Variants in TEPSIN observed in about 807,000 individuals in gnomAD.
TEPSIN encodes the protein AP-4 complex accessory subunit tepsin.
In TEPSIN, 50 loss-of-function variants were observed where a neutral mutation model predicts 48.5. The observed-to-expected ratio is 1.03, with a 90% CI of 0.82 to 1.31. TEPSIN has a LOEUF of 1.31. TEPSIN is among the 50% of genes most tolerant of loss of function. The pLI is 0.00. For missense variants in TEPSIN, 838 were observed against 815.9 expected (o/e 1.03, Z -0.33); for synonymous variants, 392 against 358.8 (o/e 1.09, Z -1.05).
chr17:81,233,923 T>C lies in TEPSIN; in HGVS notation c.375+58A>G, dbSNP rs1188860276. The stretch of plus-strand genomic sequence containing the variant: ...CCCCCAGCTGACATCCTGGCCCCAA[T>C]CCCACCCCTCTACAGGAGGAGGGGC... On this transcript the variant is annotated intron_variant, in intron 5 of 12. Coordinates refer to ENST00000637944, the MANE Select transcript of TEPSIN (RefSeq NM_001363764.2). This position sits in a 1 kb window ranked among gnomAD's most constrained non-coding sequence, Gnocchi z 5.8. 1 of 1,541,798 alleles carries C rather than the reference T, an allele frequency of 6.5e-7. No individual in the cohort carries two copies. Among genetic ancestry groups the C allele is most frequent in the African/African-American group, 1.4e-5 (1 of 71,708 alleles).
At chr17:81,237,099 CG>C in intron 2 of TEPSIN, 28 bp from the exon 3 acceptor site, 1 of 1,559,736 alleles carries the variant, frequency 6.4e-7, no homozygotes, top group South Asian at 1.2e-5. Flanking sequence ...TAGGGAAGGG[CG>C]AGATGATGAG....
chr17:81,228,832 C>T lies in TEPSIN; in HGVS notation c.*96G>A. On this transcript the variant is annotated 3_prime_UTR_variant, in exon 13 of 13. Coordinates refer to ENST00000637944, the MANE Select transcript of TEPSIN (RefSeq NM_001363764.2). ...GGGTCGTCCTCTCAAGTCAAGCTGC[C>T]TGGAGACTGTAGCAGCTACGGTTGA... 1 of 1,486,916 alleles carries T rather than the reference C, an allele frequency of 6.7e-7. No individual in the cohort carries two copies. The highest frequency in any genetic ancestry group is 9.1e-7 in the Non-Finnish European group (1 of 1,093,406). 92.1% of individuals were successfully genotyped at this position (1,486,916 alleles called of 1,614,324 possible).
In TEPSIN at chr17:81,233,531, G is replaced by A. The variant is rs769833347; in HGVS notation, c.455-28C>T. ...GCAGAGGGTCCTCCGTTAGCAGCAA[G>A]CCGGCCCCCACCCTCGGCCCTGCCC... On this transcript the variant is annotated intron_variant, in intron 6 of 12. Coordinates refer to ENST00000637944, the MANE Select transcript of TEPSIN (RefSeq NM_001363764.2). The surrounding 1 kb of genome is among the most constrained non-coding windows in gnomAD (Gnocchi z 5.8). 6.4e-7 allele frequency: 1 copy of A among 1,572,338 alleles called. No homozygotes were observed. The highest frequency in any genetic ancestry group is 1.2e-5 in the South Asian group (1 of 85,318).
intron 1 of TEPSIN, chr17:81,237,755 C>T: frequency 2.1e-6 from 1 of 479,704 alleles, no homozygotes; most frequent in Non-Finnish European, 3.7e-6. Flanking sequence ...CTGCACTTAC[C>T]AGCATGTAAG....
At chr17:81,236,587 C>T (rs766004197) in intron 4 of TEPSIN, 121 bp downstream of exon 4, 152 of 1,029,012 alleles carry the variant, frequency 1.5e-4, no homozygotes, top group Non-Finnish European at 2.0e-4. Context: ...GGGCTTTGAT[C>T]GGGACCCGGC....
rs572739510 is a variant in TEPSIN, at chr17:81,235,231, G to A, written c.308-1183C>T. Among the ~76,000 whole-genome samples, 28 of 152,326 alleles carry A rather than the reference G, an allele frequency of 1.8e-4. 3 individuals are homozygous for A. The highest frequency in any genetic ancestry group is 4.1e-4 in the African/African-American group (17 of 41,576). ...AGATAAAGTGCTCCTGACCGCAATC[G>A]GCTGGGGGTGCCTCTCAGGTTTTAA... On this transcript the variant is annotated intron_variant, in intron 4 of 12. Transcript: ENST00000637944.
At position 81,232,355 on chromosome 17, in the gene TEPSIN, G is replaced by C; in HGVS notation, c.690C>G (p.Thr230=). ...TGGCCCCGGGGAGTAGGTTCCCCAG[G>C]GTTGGGGGACCGTGGCTGGCTGAAG... The part of the protein sequence containing the change: ...MMPSASHGPP[T]LGNLLPGAIP... The change falls in exon 8 of 13, where the codon ACC becomes ACG. Residue 230 remains threonine, a synonymous_variant. Coordinates refer to ENST00000637944, the MANE Select transcript of TEPSIN (RefSeq NM_001363764.2). 15 of 1,535,250 alleles carry C rather than the reference G, an allele frequency of 9.8e-6. No individual in the cohort carries two copies. Among genetic ancestry groups the C allele is most frequent in the Non-Finnish European group, 1.3e-5 (15 of 1,146,236 alleles).
chr17:81,233,686 C>A lies in TEPSIN; in HGVS notation c.406G>T (p.Val136Leu). The A allele has an allele frequency of 6.2e-7, 1 of 1,600,450 alleles. No homozygotes were observed. Among genetic ancestry groups the A allele is most frequent in the Non-Finnish European group, 8.5e-7 (1 of 1,175,816 alleles). ...GGCTGGGAGGGAGCCAGCGGCAACACGGTGTCCGAGAACAGGGTGCTCCCC... is the reference window on the plus strand; with the variant it reads ...GGCTGGGAGGGAGCCAGCGGCAACAAGGTGTCCGAGAACAGGGTGCTCCCC... ...DLGSTLFSDT[V>L]LPLAPSQPLG... Residue 136 changes from valine to leucine, a missense_variant, in exon 6 of 13, where the codon GTG becomes TTG. By Grantham distance (32) the Val-to-Leu change is conservative. Transcript: ENST00000637944. The surrounding 1 kb of genome is among the most constrained non-coding windows in gnomAD (Gnocchi z 5.8).
At position 81,236,968 on chromosome 17, in the gene TEPSIN, C is replaced by T. The variant is rs368059792; in HGVS notation, c.213+12G>A. 5 of 1,566,954 alleles carry T rather than the reference C, an allele frequency of 3.2e-6. No homozygotes were observed. In the African/African-American group the frequency reaches 5.4e-5, roughly 17 times the overall value. Reference sequence around the variant, plus strand: ...GGCCTCAGGCCTGACCCTTGACCACCCAGGGGCTCACCTTGAGCTTCCCGT... The same window carrying T: ...GGCCTCAGGCCTGACCCTTGACCACTCAGGGGCTCACCTTGAGCTTCCCGT... On this transcript the variant is annotated intron_variant, in intron 3 of 12. Coordinates refer to ENST00000637944, the MANE Select transcript of TEPSIN (RefSeq NM_001363764.2).
intron 1 of TEPSIN, chr17:81,238,759 C>T: frequency 2.3e-6 from 3 of 1,305,234 alleles, no homozygotes; most frequent in Non-Finnish European, 2.9e-6. Flanking sequence ...TGGCTGTGCC[C>T]ATCGCCCTTG....
chr17:81,230,789 GC>G lies in TEPSIN; in HGVS notation c.1099-112del. The G allele has an allele frequency of 7.4e-7, 1 of 1,355,534 alleles. No homozygotes were observed. Among genetic ancestry groups the G allele is most frequent in the Non-Finnish European group, 9.7e-7 (1 of 1,028,228 alleles). 84.0% of individuals were successfully genotyped at this position (1,355,534 alleles called of 1,614,324 possible). A position where few individuals can be genotyped will look rare whatever the true frequency, so the allele number is the denominator to read the frequency against. On this transcript the variant is annotated intron_variant, in intron 11 of 12. Coordinates refer to ENST00000637944, the MANE Select transcript of TEPSIN (RefSeq NM_001363764.2). This position sits in a 1 kb window ranked among gnomAD's most constrained non-coding sequence, Gnocchi z 4.2. The stretch of plus-strand genomic sequence containing the variant: ...CTTCCTCCTCATCAATGACTGGAGT[GC>G]CAGGAGGCCCCAGAGACAGCTCCAC...
At position 81,237,407 on chromosome 17, in the gene TEPSIN, T is replaced by C. The variant is rs1468032416; in HGVS notation, c.101A>G (p.Tyr34Cys). 6.2e-7 allele frequency: 1 copy of C among 1,611,658 alleles called. No individual in the cohort carries two copies. Among genetic ancestry groups the C allele is most frequent in the Non-Finnish European group, 8.5e-7 (1 of 1,179,380 alleles). ...GATACTAGCAATCTCTTCAAACAGG[T>C]AGCCCGGACACGGGACATCATCATC... is the stretch of plus-strand genomic sequence containing the variant. ...TSDDDVPCPGYLFEEIAKISH... is the reference protein window; with the variant it reads ...TSDDDVPCPGCLFEEIAKISH... The change falls in exon 2 of 13, where the codon TAC becomes TGC. Residue 34 changes from tyrosine to cysteine, a missense_variant. Tyr to Cys is a radical substitution (Grantham distance 194). Coordinates refer to ENST00000637944, the MANE Select transcript of TEPSIN (RefSeq NM_001363764.2).
chr17:81,234,106 GT>G lies in TEPSIN; in HGVS notation c.308-59del. On this transcript the variant is annotated intron_variant, in intron 4 of 12. Transcript: ENST00000637944. This position sits in a 1 kb window ranked among gnomAD's most constrained non-coding sequence, Gnocchi z 5.4. ...GCTGAGCCTGGCACCGCTGCTCCCT[GT>G]GGAGCACGGTGCCCTGGGCCCACTC... 1.4e-6 allele frequency: 2 copies of G among 1,444,312 alleles called. No individual in the cohort carries two copies. The highest frequency in any genetic ancestry group is 1.8e-6 in the Non-Finnish European group (2 of 1,086,212). The allele number at this position is 1,444,312 out of a possible 1,614,324, so 89.5% of individuals were successfully genotyped here. A position where few individuals can be genotyped will look rare whatever the true frequency, so the allele number is the denominator to read the frequency against.
At position 81,229,214 on chromosome 17, in the gene TEPSIN, G is replaced by C; in HGVS notation, c.1496C>G (p.Pro499Arg). The change falls in exon 13 of 13, where the codon CCC becomes CGC. Residue 499 changes from proline (P) to arginine (R), a missense_variant. Coordinates refer to ENST00000637944, the MANE Select transcript of TEPSIN (RefSeq NM_001363764.2). ...TGCCAGTCTGGCCTCGGCCTCGCTG[G>C]GGTCTCCGGGGGCTGGAATGGGGGA... Reference protein sequence around the residue: ...DASPIPAPGDPSEAEARLAES... With the variant: ...DASPIPAPGDRSEAEARLAES... 1 of 1,605,026 alleles carries C rather than the reference G, an allele frequency of 6.2e-7. No homozygotes were observed. The highest frequency in any genetic ancestry group is 8.5e-7 in the Non-Finnish European group (1 of 1,176,748).
At position 81,231,421 on chromosome 17, in the gene TEPSIN, C is replaced by T. The variant is rs866919299; in HGVS notation, c.1075G>A (p.Gly359Arg). 6.4e-7 allele frequency: 1 copy of T among 1,558,768 alleles called. No individual in the cohort carries two copies. The highest frequency in any genetic ancestry group is 8.7e-7 in the Non-Finnish European group (1 of 1,151,600). Residue 359 changes from glycine (G) to arginine (R), a missense_variant, in exon 11 of 13, where the codon GGG becomes AGG. By Grantham distance (125) the Gly-to-Arg change is moderately radical. Coordinates refer to ENST00000637944, the MANE Select transcript of TEPSIN (RefSeq NM_001363764.2). ...VLQLLTCHLR[G>R]TSECTQLRAL... ...ACCAGCTGCGTGCATTCACTGGTCC[C>T]ACGCAGGTGGCAGGTCAGCAGCTGC...
intron 7 of TEPSIN, 32 bp from the exon 8 acceptor site, chr17:81,232,550 G>C (rs749666214): frequency 6.6e-7 from 1 of 1,506,878 alleles, no homozygotes; most frequent in Admixed American, 2.1e-5. Flanking sequence ...TGGGACGGCC[G>C]CCCAGTGCGG....
chr17:81,231,456 T>A lies in TEPSIN; in HGVS notation c.1040A>T (p.Glu347Val). 1 of 1,569,180 alleles carries A rather than the reference T, an allele frequency of 6.4e-7. No individual in the cohort carries two copies. Reference sequence around the variant, plus strand: ...GCAGGTCAGCAGCTGCAGCACGGCCTCACAGTTGAGCAGTCCACACCTGCA... The same window carrying A: ...GCAGGTCAGCAGCTGCAGCACGGCCACACAGTTGAGCAGTCCACACCTGCA... ...FIKACGLLNC[E>V]AVLQLLTCHL... Residue 347 changes from glutamate to valine, a missense_variant, in exon 11 of 13, where the codon GAG (glutamate) becomes GTG (valine). Glu to Val is a moderately radical substitution (Grantham distance 121). Transcript: ENST00000637944.
In TEPSIN at chr17:81,228,408, G is replaced by GT; in HGVS notation, c.*519_*520insA. 19 of 180,018 alleles carry GT rather than the reference G, an allele frequency of 1.1e-4. No individual in the cohort carries two copies. The highest frequency in any genetic ancestry group is 1.6e-4 in the Non-Finnish European group (14 of 86,890). The allele number at this position is 180,018 out of a possible 1,614,324, so 11.2% of individuals were successfully genotyped here. ...GCAATTACAGCCTAAAGGAGCAGGT[G>GT]AGAGCCAGGGAAGGATCACGTAGGG... On this transcript the variant is annotated 3_prime_UTR_variant, in exon 13 of 13. Coordinates refer to ENST00000637944, the MANE Select transcript of TEPSIN (RefSeq NM_001363764.2).
Position 81,236,737 on chromosome 17 carries a change from C to G in TEPSIN, c.278G>C (p.Arg93Pro). The change falls in exon 4 of 13, where the codon CGC (arginine) becomes CCC (proline). Residue 93 changes from arginine to proline, a missense_variant. Arg to Pro is a moderately radical substitution (Grantham distance 103). Coordinates refer to ENST00000637944, the MANE Select transcript of TEPSIN (RefSeq NM_001363764.2). ...GSSFFLLILK[R>P]NSAFIQEAAA... ...AGCTTCCTGGATGAAGGCAGAGTTG[C>G]GTTTGAGGATGAGCAGGAAGAAGGA... The G allele has an allele frequency of 6.4e-7, 1 of 1,571,302 alleles. No individual in the cohort carries two copies. Among genetic ancestry groups the G allele is most frequent in the Non-Finnish European group, 8.6e-7 (1 of 1,158,894 alleles).
Sources: allele counts gnomAD v4.1 joint callset (sites outside exome capture counted in the v4.1 genomes callset), GRCh38; gene constraint gnomAD v4.1.1; non-coding constraint Gnocchi (gnomAD v3.1); transcripts MANE v1.5; gene names NCBI Gene and HGNC (gene_info 2026-07-23, HGNC 2026-07-21).